The following RSPO2 variants were observed in gnomAD, a reference collection of about 807,000 sequenced individuals.
RSPO2 encodes R-spondin-2.
Under a neutral mutation model 30.9 loss-of-function variants are expected in RSPO2, and 14 were observed. The ratio of observed to expected loss-of-function variants is 0.45; its 90% confidence interval spans 0.30 to 0.71. RSPO2 has a LOEUF of 0.71. RSPO2 is among the 30% of genes least tolerant of loss of function. The pLI is 0.08. For missense variants in RSPO2, 264 were observed against 301.9 expected (o/e 0.87, Z 0.93); for synonymous variants, 107 against 96.4 (o/e 1.11, Z -0.64).
At chr8:107,916,791 G>T (rs1811996350) in intron 5 of RSPO2, among the ~76,000 whole-genome samples, 1 of 152,072 alleles carries the variant, frequency 6.6e-6, no homozygotes, top group African/African-American at 2.4e-5. Flanking sequence ...ACTAATGAGG[G>T]GCCAGAATCT....
rs1198114898 is a variant in RSPO2 at position 108,003,277 on chromosome 8, G to GTGTA, written c.95-14034_95-14033insTACA. ...TGTGTGTGTGTGTGTGTGTGTGTGT[G>GTGTA]TATATATATATATATATATATATAT... On this transcript the variant is annotated intron_variant, in intron 2 of 5. Transcript: ENST00000276659. Among the ~76,000 whole-genome samples, 34 of 56,370 alleles carry GTGTA rather than the reference G, an allele frequency of 6.0e-4. No individual in the cohort carries two copies. The East Asian group carries it at 6.1e-3, about 10-fold the overall frequency. The allele number at this position is 56,370 out of a possible 152,430, so 37.0% of individuals were successfully genotyped here.
chr8:107,901,395 A>G (rs911576990), intron 5 of RSPO2, among the ~76,000 whole-genome samples: 1 of 152,176 alleles, frequency 6.6e-6, no homozygotes, highest in African/African-American at 2.4e-5. Context: ...ACAGAGACTG[A>G]TTTTCCTGTT....
intron 5 of RSPO2, among the ~76,000 whole-genome samples, chr8:107,938,889 C>A (rs1405763479): frequency 6.6e-6 from 1 of 152,102 alleles, no homozygotes; most frequent in Non-Finnish European, 1.5e-5. Flanking sequence ...CAAATGCTAC[C>A]CACATTTTGC....
chr8:107,914,478 C>T (rs544234284), intron 5 of RSPO2, among the ~76,000 whole-genome samples: 2 of 149,080 alleles, frequency 1.3e-5, no homozygotes, highest in Non-Finnish European at 3.0e-5. Context: ...AAAAAAAATA[C>T]CTTTTAACAT....
intron 3 of RSPO2, among the ~76,000 whole-genome samples, chr8:107,967,705 G>A (rs1813853734): frequency 6.6e-6 from 1 of 152,138 alleles, no homozygotes; most frequent in Admixed American, 6.5e-5. Context: ...AATTAGTTCA[G>A]ATAGTTGGTA....
intron 2 of RSPO2, among the ~76,000 whole-genome samples, chr8:108,024,758 G>A (rs1351750452): frequency 6.6e-5 from 10 of 152,174 alleles, no homozygotes; most frequent in East Asian, 3.8e-4. Context: ...GGTGGCTCAC[G>A]CCTGTAATCC....
At chr8:107,986,941 C>T (rs942436562) in intron 3 of RSPO2, among the ~76,000 whole-genome samples, 8 of 152,124 alleles carry the variant, frequency 5.3e-5, no homozygotes, top group South Asian at 2.1e-4. Flanking sequence ...AATCATATGC[C>T]TTAAGAACAA....
intron 2 of RSPO2, among the ~76,000 whole-genome samples, chr8:108,020,571 T>A (rs564389245): frequency 6.6e-6 from 1 of 152,344 alleles, no homozygotes; most frequent in African/African-American, 2.4e-5. Context: ...TTACCTGCAA[T>A]GTTCTTATTT....
At chr8:107,980,579 GT>G (rs1814392350) in intron 3 of RSPO2, among the ~76,000 whole-genome samples, 1 of 152,122 alleles carries the variant, frequency 6.6e-6, no homozygotes, top group Non-Finnish European at 1.5e-5. Flanking sequence ...TCAGAATACA[GT>G]CCCTGAATTT....
intron 2 of RSPO2, 65 bp downstream of exon 2, chr8:108,082,480 T>C: frequency 3.1e-6 from 4 of 1,287,352 alleles, no homozygotes; most frequent in Non-Finnish European, 4.5e-6. Flanking sequence ...AGCCAGGGCG[T>C]GAGTGAGCGC....
At chr8:107,978,147 G>T (rs1814280323) in intron 3 of RSPO2, among the ~76,000 whole-genome samples, 1 of 152,074 alleles carries the variant, frequency 6.6e-6, no homozygotes, top group Non-Finnish European at 1.5e-5. Flanking sequence ...CAGAAACCTG[G>T]CTGGGCATGG....
intron 5 of RSPO2, among the ~76,000 whole-genome samples, chr8:107,933,276 T>C (rs1006846082): frequency 9.9e-5 from 15 of 152,174 alleles, no homozygotes; most frequent in Admixed American, 7.2e-4. Context: ...ACCTAGTCCA[T>C]GCACATGTTG....
chr8:107,918,525 G>C (rs1162406472), intron 5 of RSPO2, among the ~76,000 whole-genome samples: 1 of 152,042 alleles, frequency 6.6e-6, no homozygotes, highest in Non-Finnish European at 1.5e-5. Context: ...TTCCTGACCT[G>C]TGGTAACTAA....
At chr8:108,045,637 G>T (rs969434292) in intron 2 of RSPO2, among the ~76,000 whole-genome samples, 2 of 152,024 alleles carry the variant, frequency 1.3e-5, no homozygotes, top group African/African-American at 4.8e-5. Flanking sequence ...CAACATTTTT[G>T]TTGGGAGGGC....
chr8:108,046,357 C>T (rs919607434), intron 2 of RSPO2, among the ~76,000 whole-genome samples: 12 of 152,080 alleles, frequency 7.9e-5, no homozygotes, highest in Non-Finnish European at 5.9e-5. Flanking sequence ...ACACCACATA[C>T]ACCATGAAAC....
At chr8:107,902,117 C>G (rs999195006) in intron 5 of RSPO2, among the ~76,000 whole-genome samples, 2 of 152,130 alleles carry the variant, frequency 1.3e-5, no homozygotes, top group African/African-American at 4.8e-5. Flanking sequence ...TCCATCACCT[C>G]TTTGAGTTCT....
chr8:108,070,155 C>A (rs73309362), intron 2 of RSPO2, among the ~76,000 whole-genome samples: 1 of 151,950 alleles, frequency 6.6e-6, no homozygotes, highest in Non-Finnish European at 1.5e-5. Flanking sequence ...GCATATGGTG[C>A]GGAATCTCAA....
intron 2 of RSPO2, among the ~76,000 whole-genome samples, chr8:108,014,784 T>C (rs1420357160): frequency 1.3e-5 from 2 of 150,862 alleles, no homozygotes; most frequent in African/African-American, 2.4e-5. Context: ...CCATGGCACA[T>C]GTATACCTAT....
chr8:107,962,830 T>C (rs980554202), intron 3 of RSPO2, among the ~76,000 whole-genome samples: 5 of 152,278 alleles, frequency 3.3e-5, no homozygotes, highest in African/African-American at 9.6e-5. Context: ...AAGAGGACTT[T>C]ACACTTCATA....
Sources: gnomAD v4.1 joint callset for allele counts (sites outside exome capture counted in the v4.1 genomes callset) on GRCh38, gnomAD v4.1.1 for gene constraint, MANE v1.5 for transcripts, NCBI Gene and HGNC (gene_info 2026-07-23, HGNC 2026-07-21) for gene names.